The following DSCAM variants were observed in gnomAD, a reference collection of about 807,000 sequenced individuals.
DSCAM encodes the protein cell adhesion molecule DSCAM.
DSCAM carries 47 observed loss-of-function variants against 217.7 expected under a neutral mutation model. The ratio of observed to expected loss-of-function variants is 0.22; its 90% CI spans 0.17 to 0.28. DSCAM has a LOEUF of 0.28. Among genes scored for constraint, DSCAM ranks in the 10% least tolerant of loss-of-function variants. DSCAM has a pLI of 1.00. For synonymous variants in DSCAM, 1,056 were observed against 1,015.3 expected (o/e 1.04, Z -0.76); for missense variants, 2,080 against 2,618.3 (o/e 0.79, Z 4.49).
intron 5 of DSCAM, among the ~76,000 whole-genome samples, chr21:40,348,181 C>A (rs201367406): frequency 1.1e-4 from 1 of 8,712 alleles, no homozygotes; most frequent in Non-Finnish European, 3.0e-4. Flanking sequence ...CACACAGTTC[C>A]TATCAGCCAC....
chr21:40,806,920 T>C (rs1480813314), intron 1 of DSCAM, among the ~76,000 whole-genome samples: 2 of 149,768 alleles, frequency 1.3e-5, no homozygotes, highest in Non-Finnish European at 3.0e-5. Flanking sequence ...TGAGAACACA[T>C]GGACATGGGG....
At chr21:40,064,836 T>C (rs977188897) in intron 27 of DSCAM, among the ~76,000 whole-genome samples, 10 of 152,194 alleles carry the variant, frequency 6.6e-5, no homozygotes, top group African/African-American at 2.4e-4. Flanking sequence ...TTTGTATTAC[T>C]GACCTGAAAG....
intron 8 of DSCAM, among the ~76,000 whole-genome samples, chr21:40,322,594 G>C (rs796421503): frequency 4.0e-5 from 6 of 151,566 alleles, no homozygotes; most frequent in Non-Finnish European, 8.8e-5. Flanking sequence ...GCATGATCTC[G>C]GCTCATGGCA....
intron 1 of DSCAM, among the ~76,000 whole-genome samples, chr21:40,753,472 CA>C (rs941840421): frequency 2.0e-5 from 3 of 152,190 alleles, no homozygotes; most frequent in African/African-American, 7.2e-5. Context: ...TGAAGCAACA[CA>C]TTTATACAAA....
At chr21:40,084,127 A>G in intron 23 of DSCAM, 121 bp from the exon 24 acceptor site, 3 of 689,864 alleles carry the variant, frequency 4.3e-6, no homozygotes, top group Non-Finnish European at 7.3e-6. Context: ...TCAGTTTGCC[A>G]AAATATACAA....
chr21:40,438,313 T>C (rs769422077), intron 3 of DSCAM, among the ~76,000 whole-genome samples: 1 of 152,218 alleles, frequency 6.6e-6, no homozygotes, highest in Non-Finnish European at 1.5e-5. Context: ...ACTCCATAGA[T>C]GCAACGATCA....
chr21:40,593,493 T>G (rs900730502), intron 3 of DSCAM, among the ~76,000 whole-genome samples: 2 of 151,928 alleles, frequency 1.3e-5, no homozygotes. Context: ...AACTGGTTAG[T>G]TTTCTTTGTA....
chr21:40,394,644 A>C (rs2075162551), intron 3 of DSCAM, among the ~76,000 whole-genome samples: 1 of 152,230 alleles, frequency 6.6e-6, no homozygotes, highest in South Asian at 2.1e-4. Context: ...CCTGCACAGA[A>C]GTATTTACAG....
intron 30 of DSCAM, among the ~76,000 whole-genome samples, chr21:40,044,824 C>T (rs2088817580): frequency 1.3e-5 from 2 of 152,200 alleles, no homozygotes; most frequent in Admixed American, 1.3e-4. Flanking sequence ...AACAAGGAAG[C>T]TCAGCCCAGT....
chr21:40,815,526 GA>G (rs1264711171), intron 1 of DSCAM, among the ~76,000 whole-genome samples: 2 of 152,176 alleles, frequency 1.3e-5, no homozygotes, highest in Admixed American at 6.5e-5. Context: ...TCCATGTAAT[GA>G]GCACCACTGT....
intron 3 of DSCAM, among the ~76,000 whole-genome samples, chr21:40,405,136 C>CTA (rs2075269407): frequency 6.6e-6 from 1 of 151,942 alleles, no homozygotes; most frequent in Non-Finnish European, 1.5e-5. Flanking sequence ...AATCTAGTGG[C>CTA]GTATATTGTC....
intron 28 of DSCAM, among the ~76,000 whole-genome samples, chr21:40,056,689 T>G (rs560296970): frequency 3.9e-5 from 6 of 152,314 alleles, no homozygotes; most frequent in Non-Finnish European, 5.9e-5. Flanking sequence ...TGAAGCATCC[T>G]CTAAGAAGCA....
chr21:40,411,342 C>T (rs1280708129), intron 3 of DSCAM, among the ~76,000 whole-genome samples: 1 of 151,692 alleles, frequency 6.6e-6, no homozygotes, highest in Non-Finnish European at 1.5e-5. Context: ...GGACTTAATC[C>T]AAAAGAAGGC....
intron 3 of DSCAM, among the ~76,000 whole-genome samples, chr21:40,540,972 C>T (rs1292723222): frequency 2.0e-5 from 3 of 151,854 alleles, no homozygotes; most frequent in Admixed American, 6.6e-5. Context: ...CAAGTGATTA[C>T]CCTGCTTTCA....
chr21:40,572,677 TAA>T lies in DSCAM; in HGVS notation c.508+120131_508+120132del, dbSNP rs563914304. Among the ~76,000 whole-genome samples the T allele has an allele frequency of 1.3e-4, 20 of 152,304 alleles. No homozygotes were observed. In the East Asian group the frequency reaches 3.9e-3, roughly 29 times the overall value. On this transcript the variant is annotated intron_variant, in intron 3 of 32. Coordinates refer to ENST00000400454, the MANE Select transcript of DSCAM (RefSeq NM_001389.5). Reference sequence around the variant, plus strand: ...GAGAAAAAGGAGTATATTCTAATGCTAAGAGTCACTCCATCAAGAAGAAGTAA... The same window carrying T: ...GAGAAAAAGGAGTATATTCTAATGCTGAGTCACTCCATCAAGAAGAAGTAA...
At chr21:40,201,364 T>C (rs760170) in intron 11 of DSCAM, among the ~76,000 whole-genome samples, 85,585 of 151,582 alleles carry the variant, frequency 0.56, 26,152 homozygotes, top group African/African-American at 0.82. Flanking sequence ...GGAGGCAGGC[T>C]GGCCATTTCT....
At position 40,643,228 on chromosome 21, in the gene DSCAM, T is replaced by A. The variant is rs149635268; in HGVS notation, c.508+49582A>T. ...ACTGTCTTGAACTGAGTAAGACAGA[T>A]TGATATCTCATCTCTAAGTCACATT... On this transcript the variant is annotated intron_variant, in intron 3 of 32. Transcript: ENST00000400454. Among the ~76,000 whole-genome samples, 6 of 152,334 alleles carry A rather than the reference T, an allele frequency of 3.9e-5. No homozygotes were observed. In the East Asian group the frequency reaches 1.2e-3, roughly 29 times the overall value.
At chr21:40,426,797 G>T (rs2075479112) in intron 3 of DSCAM, among the ~76,000 whole-genome samples, 1 of 152,088 alleles carries the variant, frequency 6.6e-6, no homozygotes, top group Non-Finnish European at 1.5e-5. Flanking sequence ...CATTTGGGCT[G>T]GGGGGTTGGA....
intron 3 of DSCAM, among the ~76,000 whole-genome samples, chr21:40,608,250 A>G (rs2089268396): frequency 6.6e-6 from 1 of 152,242 alleles, no homozygotes. Context: ...TTGAAATGCC[A>G]TAGCAGTGTA....
Sources: gnomAD v4.1 joint callset for allele counts (sites outside exome capture counted in the v4.1 genomes callset) on GRCh38, gnomAD v4.1.1 for gene constraint, MANE v1.5 for transcripts, NCBI Gene and HGNC (gene_info 2026-07-23, HGNC 2026-07-21) for gene names.